NRXN3: variants seen among roughly 807,000 people sequenced by gnomAD.
NRXN3 encodes neurexin III.
In NRXN3, 32 loss-of-function variants were observed where a neutral mutation model predicts 137.6. The ratio of observed to expected loss-of-function variants is 0.23; its 90% CI spans 0.18 to 0.31. The LOEUF is 0.31. Ranked by LOEUF, NRXN3 falls within the 10% of genes least tolerant of loss-of-function variation. The probability of loss-of-function intolerance (pLI) is 1.00; values close to 1 mark genes in which losing one functional copy is unlikely to be tolerated. For synonymous variants in NRXN3, 798 were observed against 784.5 expected (o/e 1.02, Z -0.29); for missense variants, 1,574 against 2,062.5 (o/e 0.76, Z 4.59).
At chr14:78,853,120 AG>A (rs758462107) in intron 10 of NRXN3, among the ~76,000 whole-genome samples, 2 of 152,152 alleles carry the variant, frequency 1.3e-5, no homozygotes, top group Non-Finnish European at 2.9e-5. Context: ...CACAACGTGC[AG>A]GTTTGTTACA....
chr14:78,823,564 T>C (rs2098957308), intron 10 of NRXN3, among the ~76,000 whole-genome samples: 1 of 152,082 alleles, frequency 6.6e-6, no homozygotes, highest in Non-Finnish European at 1.5e-5. Flanking sequence ...CAAAGAATCA[T>C]GGGTTTTATA....
At chr14:78,582,693 C>A (rs2097014716) in intron 4 of NRXN3, among the ~76,000 whole-genome samples, 1 of 152,158 alleles carries the variant, frequency 6.6e-6, no homozygotes, top group Admixed American at 6.5e-5. Context: ...AACTTCCCAG[C>A]ATCTGGAACT....
intron 15 of NRXN3, among the ~76,000 whole-genome samples, chr14:79,150,847 T>C (rs1465090535): frequency 6.6e-6 from 1 of 152,106 alleles, no homozygotes; most frequent in Non-Finnish European, 1.5e-5. Context: ...GTCACTTAAA[T>C]GAAGGCAGAA....
intron 18 of NRXN3, among the ~76,000 whole-genome samples, chr14:79,696,416 G>C (rs1451973646): frequency 6.6e-6 from 1 of 151,852 alleles, no homozygotes; most frequent in East Asian, 1.9e-4. Context: ...ACTAAGTAGA[G>C]AAAACTTCAG....
intron 15 of NRXN3, among the ~76,000 whole-genome samples, chr14:79,394,392 C>T (rs1239420691): frequency 1.2e-4 from 19 of 152,168 alleles, no homozygotes; most frequent in Admixed American, 1.1e-3. Flanking sequence ...ATTGGTTTTT[C>T]GGATTGAGAT....
At chr14:79,255,012 G>A (rs2153384508) in intron 15 of NRXN3, among the ~76,000 whole-genome samples, 1 of 152,284 alleles carries the variant, frequency 6.6e-6, no homozygotes, top group South Asian at 2.1e-4. Flanking sequence ...GAAGGGCGGT[G>A]TTGATTTAAG....
rs1216327087 is a variant in NRXN3 at position 78,943,619 on chromosome 14, AAAATAT to A, written c.2276-13621_2276-13616del. 5.6e-3 allele frequency among the ~76,000 whole-genome samples: 240 copies of A among 42,804 alleles called. 17 individuals are homozygous for A. The highest frequency in any genetic ancestry group is 8.0e-3 in the Non-Finnish European group (187 of 23,300). 28.1% of individuals were successfully genotyped at this position (42,804 alleles called of 152,430 possible). On this transcript the variant is annotated intron_variant, in intron 10 of 20. Transcript: ENST00000335750. ...GAAGCAAGATCACTGTTAAAAAAAA[AAAATAT>A]ATATATATATATATATATATATATA...
chr14:79,808,536 T>TTTGC (rs1432140211), intron 20 of NRXN3, among the ~76,000 whole-genome samples: 1 of 152,016 alleles, frequency 6.6e-6, no homozygotes, highest in Non-Finnish European at 1.5e-5. Flanking sequence ...TTTCCAGGCC[T>TTTGC]TTTGCTTGAT....
At chr14:78,818,358 T>C (rs994358830) in intron 10 of NRXN3, among the ~76,000 whole-genome samples, 3 of 152,072 alleles carry the variant, frequency 2.0e-5, no homozygotes, top group Admixed American at 2.0e-4. Flanking sequence ...ATGAATTGTA[T>C]CCATTGCGCT....
intron 13 of NRXN3, 82 bp downstream of exon 13, chr14:78,967,480 C>A: frequency 1.0e-6 from 1 of 954,448 alleles, no homozygotes; most frequent in Non-Finnish European, 1.6e-6. Flanking sequence ...ACCACAGGTT[C>A]AGAGTGCCAT....
chr14:78,238,452 C>T (rs1025366933), intron 1 of NRXN3, among the ~76,000 whole-genome samples: 2 of 152,116 alleles, frequency 1.3e-5, no homozygotes, highest in Non-Finnish European at 1.5e-5. Flanking sequence ...CCCTGGCTCC[C>T]GTTTTGCCAT....
intron 15 of NRXN3, among the ~76,000 whole-genome samples, chr14:79,334,782 T>G (rs984056136): frequency 1.3e-5 from 2 of 152,154 alleles, no homozygotes; most frequent in African/African-American, 4.8e-5. Flanking sequence ...TTCTTAAGTG[T>G]TTGCTTCATA....
chr14:78,631,663 C>T (rs889710731), intron 4 of NRXN3, among the ~76,000 whole-genome samples: 2 of 152,174 alleles, frequency 1.3e-5, no homozygotes, highest in Non-Finnish European at 2.9e-5. Flanking sequence ...AATCAACTAA[C>T]CATTTCCCTT....
At chr14:79,405,914 G>T (rs1190312796) in intron 15 of NRXN3, among the ~76,000 whole-genome samples, 3 of 152,052 alleles carry the variant, frequency 2.0e-5, no homozygotes, top group Non-Finnish European at 4.4e-5. Flanking sequence ...TATTTTACAA[G>T]GGTTCATTGT....
chr14:78,603,066 G>T (rs946843944), intron 4 of NRXN3, among the ~76,000 whole-genome samples: 2 of 152,076 alleles, frequency 1.3e-5, no homozygotes, highest in Non-Finnish European at 2.9e-5. Context: ...CTTTTTCTGA[G>T]AGGTAGTAGA....
intron 4 of NRXN3, among the ~76,000 whole-genome samples, chr14:78,544,118 T>C (rs1390402921): frequency 6.6e-6 from 1 of 152,218 alleles, no homozygotes; most frequent in Non-Finnish European, 1.5e-5. Flanking sequence ...TCCTGCATGC[T>C]GATAGCAGAG....
chr14:78,454,839 C>A (rs1037164699), intron 4 of NRXN3, among the ~76,000 whole-genome samples: 2 of 152,124 alleles, frequency 1.3e-5, no homozygotes, highest in Non-Finnish European at 2.9e-5. Context: ...CTTGGCATAG[C>A]TGGAGCAAAA....
chr14:79,425,675 A>T (rs746951079), intron 15 of NRXN3, among the ~76,000 whole-genome samples: 2 of 152,278 alleles, frequency 1.3e-5, no homozygotes, highest in African/African-American at 4.8e-5. Context: ...TGCAATACCA[A>T]CCGAGGTCTT....
chr14:78,682,510 G>A (rs2098086318), intron 6 of NRXN3, among the ~76,000 whole-genome samples: 1 of 152,066 alleles, frequency 6.6e-6, no homozygotes, highest in African/African-American at 2.4e-5. Context: ...TACCGTTGTG[G>A]AATCACTTCA....
Sources: allele counts gnomAD v4.1 joint callset (sites outside exome capture counted in the v4.1 genomes callset), GRCh38; gene constraint gnomAD v4.1.1; transcripts MANE v1.5; gene names NCBI Gene and HGNC (gene_info 2026-07-23, HGNC 2026-07-21).